Variants in KIAA0930 observed in about 807,000 individuals in gnomAD.
KIAA0930 encodes KIAA0930, also known as uncharacterized protein KIAA0930.
In KIAA0930, 24 loss-of-function variants were observed where a neutral mutation model predicts 43.9. The observed-to-expected ratio is 0.55, with a 90% CI of 0.40 to 0.77. The LOEUF (loss-of-function observed/expected upper bound fraction) is 0.77, where lower values mean the gene tolerates loss of function less well. Ranked by LOEUF, KIAA0930 falls within the 30% of genes least tolerant of loss-of-function variation. The probability of loss-of-function intolerance (pLI) is 0.00; values close to 1 mark genes in which losing one functional copy is unlikely to be tolerated. For missense variants in KIAA0930, 461 were observed against 574.2 expected, an observed-to-expected ratio of 0.80 and a Z score of 2.02; for synonymous variants, 259 against 216.4, an observed-to-expected ratio of 1.20 and a Z score of -1.73.
intron 2 of KIAA0930, chr22:45,207,737 G>A (rs375386671): frequency 4.7e-5 from 8 of 169,710 alleles, no homozygotes; most frequent in South Asian, 4.0e-4. Flanking sequence ...TCTTGCAGGT[G>A]CACAGGCCTG....
chr22:45,233,818 T>C (rs1343871508), intron 1 of KIAA0930, among the ~76,000 whole-genome samples: 1 of 152,188 alleles, frequency 6.6e-6, no homozygotes, highest in East Asian at 1.9e-4. Context: ...GGCTAACTCC[T>C]ACCTGACAGG....
At chr22:45,207,334 T>C (rs1190927563) in intron 2 of KIAA0930, among the ~76,000 whole-genome samples, 1 of 144,850 alleles carries the variant, frequency 6.9e-6, no homozygotes, top group Non-Finnish European at 1.5e-5. Context: ...TATTTTTTTA[T>C]TTTTTTGAGA....
intron 2 of KIAA0930, among the ~76,000 whole-genome samples, chr22:45,210,929 C>A (rs1281263170): frequency 6.6e-6 from 1 of 152,210 alleles, no homozygotes; most frequent in East Asian, 1.9e-4. Context: ...GTCTCCAGAC[C>A]TCCCCTCTTG....
At position 45,205,289 on chromosome 22, in the gene KIAA0930, G is replaced by A. The variant is rs1159333348; in HGVS notation, c.444C>T (p.Pro148=). Residue 148 remains proline (P), a synonymous_variant, in exon 5 of 10, where the codon CCC becomes CCT. Transcript: ENST00000336156. ...QQVFASPSKH[P]MDSKGEESKI... is the part of the protein sequence containing the mutation. Reference sequence around the variant, plus strand: ...TGGACTCCTCCCCCTTGCTGTCCATGGGGTGTTTACTGGGGGACGCGAACA... The same window carrying A: ...TGGACTCCTCCCCCTTGCTGTCCATAGGGTGTTTACTGGGGGACGCGAACA... 4 of 1,614,096 alleles carry A rather than the reference G, an allele frequency of 2.5e-6. No individual in the cohort carries two copies. Among genetic ancestry groups the A allele is most frequent in the Non-Finnish European group, 3.4e-6 (4 of 1,179,956 alleles).
At chr22:45,200,130 A>T (rs1345546764) in intron 7 of KIAA0930, 95 bp from the exon 8 acceptor site, 9 of 1,275,574 alleles carry the variant, frequency 7.1e-6, no homozygotes, top group Non-Finnish European at 9.5e-6. Context: ...ACAACCTGAC[A>T]CAGCTCCCAG....
intron 8 of KIAA0930, among the ~76,000 whole-genome samples, chr22:45,198,578 C>A (rs1444967377): frequency 1.3e-5 from 2 of 152,256 alleles, no homozygotes; most frequent in Non-Finnish European, 2.9e-5. Flanking sequence ...GCCACCTCTT[C>A]TGATCAATGC....
chr22:45,205,761 C>A, intron 3 of KIAA0930, 32 bp downstream of exon 3: 1 of 1,607,690 alleles, frequency 6.2e-7, no homozygotes, highest in South Asian at 1.1e-5. Flanking sequence ...CCCACAGGGC[C>A]AATCCGCAGC....
In KIAA0930 at chr22:45,227,115, C is replaced by A. The variant is rs575110879; in HGVS notation, c.64+13525G>T. ...GGACCCATCCGCCAATGCCACCCACCCTTGTGCCCAGCACCCGGCCCACGG... is the reference window on the plus strand; with the variant it reads ...GGACCCATCCGCCAATGCCACCCACACTTGTGCCCAGCACCCGGCCCACGG... On this transcript the variant is annotated intron_variant, in intron 1 of 9. Transcript: ENST00000336156. Among the ~76,000 whole-genome samples the A allele has an allele frequency of 2.4e-4, 36 of 152,368 alleles. No homozygotes were observed. The South Asian group carries it at 7.0e-3, about 30-fold the overall frequency.
At chr22:45,234,774 G>C (rs1466571844) in intron 1 of KIAA0930, among the ~76,000 whole-genome samples, 1 of 152,164 alleles carries the variant, frequency 6.6e-6, no homozygotes, top group South Asian at 2.1e-4. Context: ...CCCAACTCTC[G>C]AGCAGGCATT....
chr22:45,224,939 G>T (rs1055515487), intron 1 of KIAA0930, among the ~76,000 whole-genome samples: 1 of 152,038 alleles, frequency 6.6e-6, no homozygotes, highest in African/African-American at 2.4e-5. Context: ...GGCTGAGAAG[G>T]CGTCTGCCGT....
chr22:45,238,074 C>A (rs186720680), intron 1 of KIAA0930, among the ~76,000 whole-genome samples: 1 of 152,040 alleles, frequency 6.6e-6, no homozygotes, highest in Non-Finnish European at 1.5e-5. Flanking sequence ...GCGCCCGCCA[C>A]CACGCCTGGC....
intron 4 of KIAA0930, 101 bp downstream of exon 4, chr22:45,205,529 A>T: frequency 8.5e-7 from 1 of 1,171,380 alleles, no homozygotes; most frequent in African/African-American, 1.5e-5. Context: ...CAGACCCCTC[A>T]CCTCCAGGGC....
At chr22:45,221,427 G>T (rs535944402) in intron 1 of KIAA0930, among the ~76,000 whole-genome samples, 5 of 152,276 alleles carry the variant, frequency 3.3e-5, no homozygotes, top group Admixed American at 3.3e-4. Flanking sequence ...GAAACAGTCC[G>T]GATTTAGGGT....
intron 1 of KIAA0930, among the ~76,000 whole-genome samples, chr22:45,224,330 A>AT (rs1389595550): frequency 2.0e-5 from 3 of 152,246 alleles, no homozygotes; most frequent in Non-Finnish European, 4.4e-5. Flanking sequence ...GACAAAAAAA[A>AT]GTGAGGCCAG....
chr22:45,194,762 T>C lies in KIAA0930; in HGVS notation c.*2414A>G, dbSNP rs192707202. The C allele has an allele frequency of 4.0e-4, 61 of 152,272 alleles. No individual in the cohort carries two copies. The highest frequency in any genetic ancestry group is 1.4e-3 in the African/African-American group (60 of 41,544). The allele number at this position is 152,272 out of a possible 1,614,324, so 9.4% of individuals were successfully genotyped here. A position where few individuals can be genotyped will look rare whatever the true frequency, so the allele number is the denominator to read the frequency against. ...ATCGCAAGTACCCTTTGGAGAGGGA[T>C]TTAGGGCCTGAGAAAGGCAGACTCC... On this transcript the variant is annotated 3_prime_UTR_variant, in exon 10 of 10. Transcript: ENST00000336156.
At chr22:45,208,487 A>ATG (rs2083660596) in intron 2 of KIAA0930, among the ~76,000 whole-genome samples, 1 of 151,474 alleles carries the variant, frequency 6.6e-6, no homozygotes, top group African/African-American at 2.4e-5. Context: ...CCGACTCCAC[A>ATG]CGCACGAGCT....
intron 1 of KIAA0930, among the ~76,000 whole-genome samples, chr22:45,214,023 A>G (rs916880255): frequency 5.9e-5 from 9 of 152,092 alleles, no homozygotes; most frequent in African/African-American, 2.2e-4. Context: ...AAATAAATAA[A>G]TAAATAAGCC....
chr22:45,239,138 G>A (rs915764437), intron 1 of KIAA0930, among the ~76,000 whole-genome samples: 1 of 152,212 alleles, frequency 6.6e-6, no homozygotes, highest in Non-Finnish European at 1.5e-5. Flanking sequence ...GGTGGTCAGA[G>A]GACAATAGGT....
At chr22:45,205,770 G>A (rs1243749131) in intron 3 of KIAA0930, 23 bp downstream of exon 3, 7 of 1,523,904 alleles carry the variant, frequency 4.6e-6, no homozygotes, top group Non-Finnish European at 6.4e-6. Flanking sequence ...CCAATCCGCA[G>A]CCCCACCCAT....
Sources: gnomAD v4.1 joint callset for allele counts (sites outside exome capture counted in the v4.1 genomes callset) on GRCh38, gnomAD v4.1.1 for gene constraint, MANE v1.5 for transcripts, NCBI Gene and HGNC (gene_info 2026-07-23, HGNC 2026-07-21) for gene names.